Variants in DPP6 observed in about 807,000 individuals in gnomAD.
The protein encoded by DPP6 is A-type potassium channel modulatory protein DPP6.
DPP6 carries 69 observed loss-of-function variants against 122.6 expected under a neutral mutation model. That is an observed-to-expected ratio of 0.56 (90% CI 0.46 to 0.69). The LOEUF (loss-of-function observed/expected upper bound fraction) is 0.69, where lower values mean the gene tolerates loss of function less well. DPP6 is among the 30% of genes least tolerant of loss of function. DPP6 has a pLI of 0.00. For synonymous variants in DPP6, 418 were observed against 433.1 expected (o/e 0.97, Z 0.43); for missense variants, 928 against 1,116.9 (o/e 0.83, Z 2.41).
chr7:154,585,004 A>G (rs1382447389), intron 5 of DPP6, among the ~76,000 whole-genome samples: 2 of 152,146 alleles, frequency 1.3e-5, no homozygotes, highest in African/African-American at 4.8e-5. Context: ...TGTAACCATC[A>G]CCACAAATTG....
chr7:154,633,664 A>G (rs4960648), intron 5 of DPP6, among the ~76,000 whole-genome samples: 123,719 of 152,282 alleles, frequency 0.81, 50,400 homozygotes, highest in East Asian at 0.92. Flanking sequence ...TTCTAGATAA[A>G]ACATTGTACA....
the DPP6 span, among the ~76,000 whole-genome samples, chr7:153,782,687 C>T: frequency 0.072 from 10,971 of 152,056 alleles, 1,200 homozygotes; most frequent in African/African-American, 0.25. Context: ...GTTAATATCT[C>T]TCTAGCATGC....
intron 7 of DPP6, among the ~76,000 whole-genome samples, chr7:154,714,107 A>G (rs1841347781): frequency 6.6e-6 from 1 of 152,206 alleles, no homozygotes; most frequent in Non-Finnish European, 1.5e-5. Context: ...CCTTATCTTC[A>G]TCTGAGACCA....
chr7:154,665,125 T>G (rs919611135), intron 6 of DPP6, among the ~76,000 whole-genome samples: 5 of 152,190 alleles, frequency 3.3e-5, no homozygotes, highest in Non-Finnish European at 7.3e-5. Flanking sequence ...TCAGTTATGT[T>G]GTAGTGTCCC....
At chr7:154,751,464 G>T (rs1356836771) in intron 8 of DPP6, among the ~76,000 whole-genome samples, 1 of 149,790 alleles carries the variant, frequency 6.7e-6, no homozygotes, top group African/African-American at 2.5e-5. Context: ...AAAAAAATTA[G>T]TCGGGCGTGG....
intron 3 of DPP6, among the ~76,000 whole-genome samples, chr7:154,510,408 A>C (rs1028557970): frequency 2.6e-5 from 4 of 152,268 alleles, no homozygotes; most frequent in African/African-American, 9.6e-5. Context: ...GCTTGTAAGA[A>C]GTGTAAAGGG....
intron 3 of DPP6, among the ~76,000 whole-genome samples, chr7:154,494,283 G>A (rs752594878): frequency 6.6e-6 from 1 of 151,814 alleles, no homozygotes; most frequent in Non-Finnish European, 1.5e-5. Flanking sequence ...TTGAGCCTGC[G>A]AGGGACAGGC....
At position 154,214,479 on chromosome 7, in the gene DPP6, T is replaced by C. The variant is rs976900208; in HGVS notation, c.243+161416T>C. On this transcript the variant is annotated intron_variant, in intron 1 of 25. Coordinates refer to ENST00000377770, the MANE Select transcript of DPP6 (RefSeq NM_130797.4). ...TATTAAATAAACAGCCACTGTGATGTGGAGAGGAAAGAGTTGGGCACACTT... is the reference window on the plus strand; with the variant it reads ...TATTAAATAAACAGCCACTGTGATGCGGAGAGGAAAGAGTTGGGCACACTT... Among the ~76,000 whole-genome samples, 4 of 152,290 alleles carry C rather than the reference T, an allele frequency of 2.6e-5. No homozygotes were observed. In the East Asian group the frequency reaches 7.7e-4, roughly 29 times the overall value.
intron 1 of DPP6, among the ~76,000 whole-genome samples, chr7:154,015,492 T>C (rs1798359328): frequency 1.3e-5 from 2 of 152,146 alleles, no homozygotes; most frequent in Non-Finnish European, 2.9e-5. Context: ...TCCACTCTGA[T>C]GTCTAACATG....
At chr7:154,400,814 C>A (rs1815508279) in intron 1 of DPP6, among the ~76,000 whole-genome samples, 2 of 152,072 alleles carry the variant, frequency 1.3e-5, no homozygotes, top group African/African-American at 4.8e-5. Context: ...CCATGAATTC[C>A]TCTTAATGAA....
intron 22 of DPP6, 69 bp from the exon 23 acceptor site, chr7:154,887,607 A>C: frequency 2.3e-5 from 35 of 1,522,594 alleles, no homozygotes; most frequent in African/African-American, 2.7e-5. Flanking sequence ...GGCCCTCCCT[A>C]GAGTTTGGGG....
chr7:153,850,356 C>T, the DPP6 span, among the ~76,000 whole-genome samples: 1 of 152,134 alleles, frequency 6.6e-6, no homozygotes, highest in Non-Finnish European at 1.5e-5. Context: ...CCTTCTTTCC[C>T]ATGTGGGCTC....
At chr7:154,023,044 T>C (rs1798779965) in intron 1 of DPP6, among the ~76,000 whole-genome samples, 1 of 151,974 alleles carries the variant, frequency 6.6e-6, no homozygotes, top group Non-Finnish European at 1.5e-5. Flanking sequence ...TTGTCCTGAG[T>C]GTAAGCTAGG....
intron 8 of DPP6, among the ~76,000 whole-genome samples, chr7:154,769,087 A>T (rs1272788153): frequency 1.3e-5 from 2 of 152,234 alleles, no homozygotes; most frequent in Admixed American, 1.3e-4. Context: ...GTACAATCAT[A>T]GTTCAACTCA....
the DPP6 span, among the ~76,000 whole-genome samples, chr7:153,844,267 A>T: frequency 1.1e-4 from 17 of 151,948 alleles, 1 homozygote; most frequent in Admixed American, 9.8e-4. Flanking sequence ...TCTCCCTACA[A>T]CTCCCCCTTT....
intron 1 of DPP6, among the ~76,000 whole-genome samples, chr7:154,031,852 CTTTTTTTTGTTTTTTTT>C (rs1246859479): frequency 6.3e-5 from 9 of 143,822 alleles, no homozygotes; most frequent in African/African-American, 2.1e-4. Flanking sequence ...TTCTTTTTTC[CTTTTTTTTGTTTTTTTT>C]TTTTTTTTGG....
intron 10 of DPP6, among the ~76,000 whole-genome samples, chr7:154,778,566 A>G (rs1006728699): frequency 4.2e-5 from 6 of 143,886 alleles, no homozygotes; most frequent in Non-Finnish European, 8.9e-5. Flanking sequence ...CCCCCCCCCA[A>G]AAAAAACCAC....
intron 1 of DPP6, among the ~76,000 whole-genome samples, chr7:153,952,182 C>T (rs73496225): frequency 0.016 from 2,433 of 152,296 alleles, 67 homozygotes; most frequent in African/African-American, 0.054. Context: ...TCCTGTTAGC[C>T]TTTGTGAAAA....
rs769684018 is a variant in DPP6, at chr7:154,732,841, C to T, written c.883+4954C>T. ...CAGGAATCATGTTAGATGAGACTCTCGAAGCTGCCCCTGGCACTAGTTCCC... is the reference window on the plus strand; with the variant it reads ...CAGGAATCATGTTAGATGAGACTCTTGAAGCTGCCCCTGGCACTAGTTCCC... On this transcript the variant is annotated intron_variant, in intron 8 of 25. Coordinates refer to ENST00000377770, the MANE Select transcript of DPP6 (RefSeq NM_130797.4). Among the ~76,000 whole-genome samples, 14 of 152,174 alleles carry T rather than the reference C, an allele frequency of 9.2e-5. 1 individual carries two copies. The highest frequency in any genetic ancestry group is 1.0e-4 in the Non-Finnish European group (7 of 68,022).
Sources: allele counts gnomAD v4.1 joint callset (sites outside exome capture counted in the v4.1 genomes callset), GRCh38; gene constraint gnomAD v4.1.1; transcripts MANE v1.5; gene names NCBI Gene and HGNC (gene_info 2026-07-23, HGNC 2026-07-21).